KDM4C: variants seen among roughly 807,000 people sequenced by gnomAD.
The protein encoded by KDM4C is lysine-specific demethylase 4C.
Under a neutral mutation model 129.3 loss-of-function variants are expected in KDM4C, and 81 were observed. The ratio of observed to expected loss-of-function variants is 0.63; its 90% CI spans 0.52 to 0.75. The LOEUF (loss-of-function observed/expected upper bound fraction) is 0.75, where lower values mean the gene tolerates loss of function less well. Ranked by LOEUF, KDM4C falls within the 30% of genes least tolerant of loss-of-function variation. The pLI is 0.00. For missense variants in KDM4C, 1,457 were observed against 1,304.0 expected (o/e 1.12, Z -1.81); for synonymous variants, 573 against 456.1 (o/e 1.26, Z -3.26).
chr9:7,025,694 G>A (rs1825694367), intron 15 of KDM4C, among the ~76,000 whole-genome samples: 1 of 152,070 alleles, frequency 6.6e-6, no homozygotes, highest in Non-Finnish European at 1.5e-5. Flanking sequence ...TGTTGTCTCT[G>A]TTTATATCTC....
At chr9:6,744,813 G>A (rs1318747673) in intron 1 of KDM4C, among the ~76,000 whole-genome samples, 1 of 152,022 alleles carries the variant, frequency 6.6e-6, no homozygotes, top group East Asian at 1.9e-4. Context: ...TCCTTGGGAT[G>A]CTGAGAGGGA....
At chr9:6,873,931 T>TGA (rs1347462647) in intron 5 of KDM4C, among the ~76,000 whole-genome samples, 1 of 105,922 alleles carries the variant, frequency 9.4e-6, no homozygotes, top group Non-Finnish European at 2.1e-5. Context: ...AGAGAGAGAG[T>TGA]GAGAGAGAGC....
At chr9:6,819,629 A>G (rs1832686251) in intron 4 of KDM4C, among the ~76,000 whole-genome samples, 2 of 152,158 alleles carry the variant, frequency 1.3e-5, no homozygotes, top group South Asian at 4.1e-4. Flanking sequence ...AACCAATCAC[A>G]CTCAAGACAC....
At chr9:6,938,881 G>A (rs1825313096) in intron 8 of KDM4C, among the ~76,000 whole-genome samples, 1 of 151,946 alleles carries the variant, frequency 6.6e-6, no homozygotes, top group Non-Finnish European at 1.5e-5. Flanking sequence ...TTTCATAGAG[G>A]TTAACTTACT....
At chr9:6,770,269 C>G (rs951254406) in intron 1 of KDM4C, among the ~76,000 whole-genome samples, 1 of 150,440 alleles carries the variant, frequency 6.6e-6, no homozygotes, top group Non-Finnish European at 1.5e-5. Context: ...TGTTGGGTAA[C>G]AGACTATGAC....
Position 7,014,001 on chromosome 9 carries a change from A to G in KDM4C, c.2182A>G (p.Ser728Gly). Residue 728 changes from serine (S) to glycine (G), a missense_variant and splice_region_variant, in exon 14 of 22, where the codon AGT (serine) becomes GGT (glycine). Coordinates refer to ENST00000381309, the MANE Select transcript of KDM4C (RefSeq NM_015061.6). ...AAAGTGCTGCGTACGGGTTCATGCAAGTAAATGGATCTATAATTCATCAAT... is the reference window on the plus strand; with the variant it reads ...AAAGTGCTGCGTACGGGTTCATGCAGGTAAATGGATCTATAATTCATCAAT... Reference protein sequence around the residue: ...CAKCCVRVHASCYGIPSHEIC... With the variant: ...CAKCCVRVHAGCYGIPSHEIC... 6.2e-7 allele frequency: 1 copy of G among 1,609,260 alleles called. No individual in the cohort carries two copies. Among genetic ancestry groups the G allele is most frequent in the Admixed American group, 1.7e-5 (1 of 59,330 alleles).
intron 19 of KDM4C, among the ~76,000 whole-genome samples, chr9:7,142,122 C>CAT (rs1263730264): frequency 1.3e-5 from 2 of 152,132 alleles, no homozygotes; most frequent in Non-Finnish European, 2.9e-5. Context: ...ATAAATTGAG[C>CAT]ATATGATTAC....
intron 8 of KDM4C, among the ~76,000 whole-genome samples, chr9:6,956,929 T>C (rs1829167780): frequency 6.6e-6 from 1 of 152,230 alleles, no homozygotes; most frequent in African/African-American, 2.4e-5. Context: ...TCTGCCATCC[T>C]CTGGCTTGGT....
chr9:7,023,790 A>G lies in KDM4C; in HGVS notation c.2259+7861A>G, dbSNP rs76701526. ...TACAGCTGTAAACATTCCTCTTAGT[A>G]TTGCTTTTGCTGTATCCCATAGATT... On this transcript the variant is annotated intron_variant, in intron 15 of 21. Coordinates refer to ENST00000381309, the MANE Select transcript of KDM4C (RefSeq NM_015061.6). 8.6e-3 allele frequency among the ~76,000 whole-genome samples: 1,303 copies of G among 151,964 alleles called. 20 individuals are homozygous for G. The highest frequency in any genetic ancestry group is 0.029 in the African/African-American group (1,208 of 41,440).
intron 15 of KDM4C, among the ~76,000 whole-genome samples, chr9:7,039,312 T>C (rs919549547): frequency 6.6e-6 from 1 of 152,048 alleles, no homozygotes; most frequent in African/African-American, 2.4e-5. Flanking sequence ...AGCTCTGTCT[T>C]TCTCCTCTCT....
chr9:7,169,713 A>G (rs1232401462), intron 20 of KDM4C, 85 bp from the exon 21 acceptor site: 2 of 1,066,954 alleles, frequency 1.9e-6, no homozygotes, highest in Non-Finnish European at 2.7e-6. Flanking sequence ...AGTCCTTTTC[A>G]TCTTTTCATG....
intron 19 of KDM4C, among the ~76,000 whole-genome samples, chr9:7,161,101 GT>G (rs1328805657): frequency 1.4e-4 from 21 of 152,334 alleles, no homozygotes; most frequent in South Asian, 4.1e-4. Flanking sequence ...TGCGCTAGCA[GT>G]GAGCAAGGCT....
At chr9:6,846,555 T>G (rs979116674) in intron 4 of KDM4C, among the ~76,000 whole-genome samples, 1 of 152,222 alleles carries the variant, frequency 6.6e-6, no homozygotes, top group African/African-American at 2.4e-5. Context: ...AAGATTTATC[T>G]CTGTTGGTTA....
chr9:7,132,653 G>C (rs1840769096), intron 19 of KDM4C, among the ~76,000 whole-genome samples: 1 of 152,130 alleles, frequency 6.6e-6, no homozygotes, highest in African/African-American at 2.4e-5. Context: ...CCACTATTTT[G>C]ATGGGCATGA....
At chr9:6,798,780 C>A (rs184053392) in intron 2 of KDM4C, among the ~76,000 whole-genome samples, 2 of 150,644 alleles carry the variant, frequency 1.3e-5, no homozygotes, top group Non-Finnish European at 3.0e-5. Context: ...GGGTGGTGGC[C>A]GGGCAGAGGG....
At chr9:6,834,688 C>G in intron 4 of KDM4C, 3 of 845,518 alleles carry the variant, frequency 3.5e-6, no homozygotes, top group Non-Finnish European at 6.3e-6. Flanking sequence ...TCATTACCAA[C>G]TGGGACAACA....
chr9:6,760,787 T>C (rs1474218705), intron 1 of KDM4C, among the ~76,000 whole-genome samples: 2 of 151,456 alleles, frequency 1.3e-5, no homozygotes, highest in African/African-American at 4.9e-5. Flanking sequence ...TTAGCCAGGA[T>C]GGTCTCGATC....
chr9:7,065,819 C>T (rs973670269), intron 17 of KDM4C, among the ~76,000 whole-genome samples: 5 of 151,910 alleles, frequency 3.3e-5, no homozygotes, highest in South Asian at 2.1e-4. Flanking sequence ...TGATTGTTGA[C>T]CCATATTTAA....
upstream of KDM4C, among the ~76,000 whole-genome samples, chr9:6,756,648 C>T (rs566048241): frequency 6.6e-6 from 1 of 152,276 alleles, no homozygotes; most frequent in East Asian, 1.9e-4. Context: ...ACCCGTGAGG[C>T]GGAGGTTGCA....
Sources: gnomAD v4.1 joint callset for allele counts (sites outside exome capture counted in the v4.1 genomes callset) on GRCh38, gnomAD v4.1.1 for gene constraint, MANE v1.5 for transcripts, NCBI Gene and HGNC (gene_info 2026-07-23, HGNC 2026-07-21) for gene names.